Variants in PHF12 observed in about 807,000 individuals in gnomAD.
PHF12 encodes the protein PHD finger protein 12.
Under a neutral mutation model 99.8 loss-of-function variants are expected in PHF12, and 6 were observed. That is an observed-to-expected ratio of 0.06 (90% confidence interval 0.03 to 0.12). The LOEUF is 0.12. PHF12 is among the 10% of genes least tolerant of loss of function. The pLI is 1.00. For synonymous variants in PHF12, 480 were observed against 514.9 expected (o/e 0.93, Z 0.92); for missense variants, 954 against 1,300.1 (o/e 0.73, Z 4.09).
chr17:28,909,712 T>C (rs1467379636), intron 11 of PHF12: 2 of 236,938 alleles, frequency 8.4e-6, no homozygotes, highest in African/African-American at 4.6e-5. Flanking sequence ...CATCTTAGCC[T>C]TCCAAGCAGC....
chr17:28,907,578 T>C lies in PHF12; in HGVS notation c.2541+12A>G. The C allele has an allele frequency of 6.2e-7, 1 of 1,613,636 alleles. No homozygotes were observed. The highest frequency in any genetic ancestry group is 8.5e-7 in the Non-Finnish European group (1 of 1,179,672). On this transcript the variant is annotated intron_variant, in intron 13 of 14. Transcript: ENST00000332830. ...TGGGAAAGCTCCCTCCCACCGCATC[T>C]CCGGCCCTCACCTCATCGTAGAATA...
At chr17:28,936,343 A>C (rs1275868527) in intron 2 of PHF12, among the ~76,000 whole-genome samples, 2 of 152,232 alleles carry the variant, frequency 1.3e-5, no homozygotes, top group Non-Finnish European at 2.9e-5. Context: ...ATAAGAGAAC[A>C]AAGGGAAGAG....
chr17:28,914,421 C>G (rs2040023394), intron 7 of PHF12, among the ~76,000 whole-genome samples: 1 of 151,980 alleles, frequency 6.6e-6, no homozygotes, highest in African/African-American at 2.4e-5. Context: ...GCCTGTAATC[C>G]CAGCACTTTG....
At position 28,908,973 on chromosome 17, in the gene PHF12, C is replaced by T; in HGVS notation, c.2360-92G>A. Reference sequence around the variant, plus strand: ...CAAAATCTGGACCTTTGGCTCATGGCCTGGAGAAAATCCCGCTGGATGACT... The same window carrying T: ...CAAAATCTGGACCTTTGGCTCATGGTCTGGAGAAAATCCCGCTGGATGACT... On this transcript the variant is annotated intron_variant, in intron 11 of 14. Transcript: ENST00000332830. 6 of 1,212,222 alleles carry T rather than the reference C, an allele frequency of 4.9e-6. No individual in the cohort carries two copies. In the Admixed American group the frequency reaches 6.1e-5, roughly 12 times the overall value. The allele number at this position is 1,212,222 out of a possible 1,614,324, so 75.1% of individuals were successfully genotyped here. A position where few individuals can be genotyped will look rare whatever the true frequency, so the allele number is the denominator to read the frequency against.
chr17:28,921,435 G>T (rs1247577223), intron 5 of PHF12, among the ~76,000 whole-genome samples: 1 of 152,122 alleles, frequency 6.6e-6, no homozygotes, highest in Non-Finnish European at 1.5e-5. Flanking sequence ...CCAGATTGCT[G>T]CGATTACAGG....
At chr17:28,917,477 G>A (rs774714418) in intron 6 of PHF12, 28 bp from the exon 7 acceptor site, 1 of 1,569,624 alleles carries the variant, frequency 6.4e-7, no homozygotes. Flanking sequence ...ACAACCTTGT[G>A]GTGAGCCTCA....
chr17:28,929,526 T>C (rs2040357048), intron 2 of PHF12, among the ~76,000 whole-genome samples: 1 of 152,212 alleles, frequency 6.6e-6, no homozygotes, highest in Non-Finnish European at 1.5e-5. Context: ...TGTACAGGCG[T>C]GAGCCACTGT....
At chr17:28,922,711 T>C (rs1191209271) in intron 4 of PHF12, among the ~76,000 whole-genome samples, 1 of 152,066 alleles carries the variant, frequency 6.6e-6, no homozygotes, top group East Asian at 1.9e-4. Flanking sequence ...TAATAGAAAA[T>C]GTCCATTAAT....
At chr17:28,910,432 C>T (rs1167221289) in intron 10 of PHF12, 63 bp from the exon 11 acceptor site, 1 of 1,531,894 alleles carries the variant, frequency 6.5e-7, no homozygotes, top group East Asian at 2.3e-5. Context: ...GGAAGCAAAT[C>T]AGGGTCACAG....
Position 28,906,540 on chromosome 17 carries a change from C to G in PHF12, c.2681-23G>C. The G allele has an allele frequency of 6.3e-7, 1 of 1,579,544 alleles. No homozygotes were observed. The highest frequency in any genetic ancestry group is 8.6e-7 in the Non-Finnish European group (1 of 1,158,730). ...GCCCTGGGAAAAAGGGGGATGGTCACAGAAGAGGAACAGTGAGCAGCCAAC... is the reference window on the plus strand; with the variant it reads ...GCCCTGGGAAAAAGGGGGATGGTCAGAGAAGAGGAACAGTGAGCAGCCAAC... On this transcript the variant is annotated intron_variant, in intron 14 of 14. Transcript: ENST00000332830. The surrounding 1 kb of genome is among the most constrained non-coding windows in gnomAD (Gnocchi z 4.2).
intron 2 of PHF12, among the ~76,000 whole-genome samples, chr17:28,943,339 C>T (rs2040655358): frequency 6.6e-6 from 1 of 152,120 alleles, no homozygotes; most frequent in African/African-American, 2.4e-5. Flanking sequence ...CACATAAAAA[C>T]TTGCACCCTG....
intron 3 of PHF12, chr17:28,925,398 C>T (rs2040253347): frequency 6.6e-6 from 1 of 152,202 alleles, no homozygotes; most frequent in Non-Finnish European, 1.5e-5. Context: ...CATGATAGGG[C>T]CTGAATGTCA....
At position 28,905,929 on chromosome 17, in the gene PHF12, T is replaced by C. The variant is rs1015211939; in HGVS notation, c.*254A>G. 4 of 378,600 alleles carry C rather than the reference T, an allele frequency of 1.1e-5. No individual in the cohort carries two copies. The highest frequency in any genetic ancestry group is 8.3e-5 in the African/African-American group (4 of 48,214). The allele number at this position is 378,600 out of a possible 1,614,324, so 23.5% of individuals were successfully genotyped here. ...TGGGTCTTTCCCTCCCTGCCCACGC[T>C]GTTCCTCAGCTCAGGTCTGCCGCTT... On this transcript the variant is annotated 3_prime_UTR_variant, in exon 15 of 15. Transcript: ENST00000332830.
At chr17:28,941,180 T>C (rs2040609767) in intron 2 of PHF12, among the ~76,000 whole-genome samples, 1 of 152,128 alleles carries the variant, frequency 6.6e-6, no homozygotes, top group African/African-American at 2.4e-5. Context: ...GGTGGCCTAC[T>C]TAACTGCATA....
chr17:28,915,098 G>C (rs1264452184), intron 7 of PHF12, among the ~76,000 whole-genome samples: 1 of 152,194 alleles, frequency 6.6e-6, no homozygotes, highest in Non-Finnish European at 1.5e-5. Flanking sequence ...TGGGGGACAG[G>C]AATTTGGGAT....
chr17:28,918,454 C>T (rs1178249416), intron 6 of PHF12, among the ~76,000 whole-genome samples: 1 of 152,232 alleles, frequency 6.6e-6, no homozygotes, highest in Non-Finnish European at 1.5e-5. Context: ...ACCGAGGTTC[C>T]TCTCAGTGCA....
At chr17:28,944,782 T>C (rs998922387) in intron 2 of PHF12, 1 of 152,346 alleles carries the variant, frequency 6.6e-6, no homozygotes, top group Non-Finnish European at 1.5e-5. Context: ...CATTTTACTA[T>C]TGATGGGGCC....
chr17:28,932,333 T>C (rs2040428780), intron 2 of PHF12, among the ~76,000 whole-genome samples: 1 of 152,138 alleles, frequency 6.6e-6, no homozygotes, highest in South Asian at 2.1e-4. Flanking sequence ...GGTTTCACTA[T>C]GTTGCCGAAG....
chr17:28,926,807 T>C (rs150413722), intron 3 of PHF12, 184 bp downstream of exon 3: 2 of 1,532,000 alleles, frequency 1.3e-6, no homozygotes, highest in East Asian at 2.5e-5. Flanking sequence ...CAGCAGCCCA[T>C]GTTTGGATTT....
Sources: allele counts gnomAD v4.1 joint callset (sites outside exome capture counted in the v4.1 genomes callset), GRCh38; gene constraint gnomAD v4.1.1; non-coding constraint Gnocchi (gnomAD v3.1); transcripts MANE v1.5; gene names NCBI Gene and HGNC (gene_info 2026-07-23, HGNC 2026-07-21).